The following PRRG1 variants were observed in gnomAD, a reference collection of about 807,000 sequenced individuals.
PRRG1 encodes the protein proline rich and Gla domain 1.
Under a neutral mutation model 11.8 loss-of-function variants are expected in PRRG1, and 5 were observed. That is an observed-to-expected ratio of 0.42 (90% CI 0.22 to 0.89). PRRG1 has a LOEUF of 0.89. Ranked by LOEUF, PRRG1 falls within the 40% of genes least tolerant of loss-of-function variation. The pLI, the probability that PRRG1 is intolerant of heterozygous loss-of-function variation, is 0.28. For missense variants in PRRG1, 155 were observed against 166.1 expected (o/e 0.93, Z 0.37); for synonymous variants, 66 against 60.4 (o/e 1.09, Z -0.43).
chrX:37,437,936 A>AT lies in PRRG1; in HGVS notation c.171+11946dup, dbSNP rs72218316. On this transcript the variant is annotated intron_variant, in intron 3 of 3. Coordinates refer to ENST00000378628, the MANE Select transcript of PRRG1 (RefSeq NM_001142395.2). ...ATATTGATAGCCAGCAGAAAATACCATTTTTTTTTTCTTTTTTGTTGGTTT... is the reference window on the plus strand; with the variant it reads ...ATATTGATAGCCAGCAGAAAATACCATTTTTTTTTTTCTTTTTTGTTGGTTT... 4.1e-4 allele frequency among the ~76,000 whole-genome samples: 44 copies of AT among 107,191 alleles called. No individual in the cohort carries two copies. In the South Asian group the frequency reaches 0.013, roughly 33 times the overall value. 93.1% of individuals were successfully genotyped at this position (107,191 alleles called of 115,157 possible). A position where few individuals can be genotyped will look rare whatever the true frequency, so the allele number is the denominator to read the frequency against.
At chrX:37,440,908 G>GT (rs1932963891) in intron 3 of PRRG1, 3 of 510,002 alleles carry the variant, frequency 5.9e-6, no homozygotes, top group Non-Finnish European at 1.0e-5. Flanking sequence ...GGAACCACAG[G>GT]TGCATGCCAC....
intron 1 of PRRG1, among the ~76,000 whole-genome samples, chrX:37,368,274 T>G (rs1930643835): frequency 8.9e-6 from 1 of 112,511 alleles, no homozygotes; most frequent in African/African-American, 3.2e-5. Flanking sequence ...AACAAGATTG[T>G]TAAAATCTCT....
intron 3 of PRRG1, among the ~76,000 whole-genome samples, chrX:37,427,848 C>T (rs1932790243): frequency 9.0e-6 from 1 of 111,611 alleles, no homozygotes; most frequent in African/African-American, 3.3e-5. Context: ...TGTTTTCATG[C>T]TGCTGATAAA....
chrX:37,451,529 C>T (rs782362524), intron 3 of PRRG1, among the ~76,000 whole-genome samples: 8 of 111,935 alleles, frequency 7.1e-5, no homozygotes, highest in African/African-American at 9.7e-5. Flanking sequence ...TTCAGCTTTT[C>T]GATATTATCC....
intron 1 of PRRG1, among the ~76,000 whole-genome samples, chrX:37,379,950 G>A (rs1034793119): frequency 1.8e-4 from 20 of 111,457 alleles, no homozygotes; most frequent in African/African-American, 4.9e-4. Flanking sequence ...GGGAGCAAAC[G>A]AAAATGAGTA....
intron 2 of PRRG1, among the ~76,000 whole-genome samples, chrX:37,424,788 C>T (rs918860856): frequency 9.0e-5 from 10 of 111,261 alleles, no homozygotes; most frequent in Non-Finnish European, 1.9e-4. Context: ...GTAAAATACT[C>T]ATTTCTATAA....
intron 1 of PRRG1, among the ~76,000 whole-genome samples, chrX:37,376,549 G>GTATATATATATATATATATATATA (rs1491489103): frequency 0.052 from 830 of 15,881 alleles, 119 homozygotes; most frequent in Non-Finnish European, 0.086. Context: ...AGAAATGTGA[G>GTATATATATATATATATATATATA]TGTATATATA....
chrX:37,422,648 A>G (rs1932695089), intron 2 of PRRG1, among the ~76,000 whole-genome samples: 1 of 112,030 alleles, frequency 8.9e-6, no homozygotes, highest in Non-Finnish European at 1.9e-5. Context: ...GTCAAATATC[A>G]CAAATGCATG....
chrX:37,416,618 T>G (rs1932505432), intron 2 of PRRG1, among the ~76,000 whole-genome samples: 1 of 112,158 alleles, frequency 8.9e-6, no homozygotes, highest in Non-Finnish European at 1.9e-5. Context: ...CCTGTTTTGG[T>G]GATTCCATCT....
intron 1 of PRRG1, among the ~76,000 whole-genome samples, chrX:37,394,421 T>C (rs1358278018): frequency 9.0e-6 from 1 of 110,998 alleles, no homozygotes; most frequent in African/African-American, 3.3e-5. Flanking sequence ...GGCCTTGGGG[T>C]CTGGGGAAGA....
At chrX:37,451,920 G>A (rs782653692) in intron 3 of PRRG1, among the ~76,000 whole-genome samples, 53 of 111,895 alleles carry the variant, frequency 4.7e-4, no homozygotes, top group South Asian at 1.1e-3. Flanking sequence ...AGAATTCCAG[G>A]TGTAATCCAA....
intron 1 of PRRG1, among the ~76,000 whole-genome samples, chrX:37,395,614 CAAAA>C (rs150257827): frequency 1.6e-5 from 1 of 62,414 alleles, no homozygotes. Flanking sequence ...GACTCCATCT[CAAAA>C]AAAAAAAAAA....
chrX:37,403,722 A>T (rs1276870275), intron 1 of PRRG1: 1 of 749,463 alleles, frequency 1.3e-6, no homozygotes, highest in Admixed American at 8.9e-5. Context: ...GGGACCAGAG[A>T]CTAGAACAGC....
intron 2 of PRRG1, among the ~76,000 whole-genome samples, chrX:37,414,539 GGCCCCTGAGGGGCCACC>G (rs1458135643): frequency 8.9e-6 from 1 of 112,410 alleles, no homozygotes; most frequent in Non-Finnish European, 1.9e-5. Context: ...CTTCTAAAGG[GGCCCCTGAGGGGCCACC>G]ATGAGGGAAG....
chrX:37,396,958 C>T (rs1281128818), intron 1 of PRRG1, among the ~76,000 whole-genome samples: 3 of 111,976 alleles, frequency 2.7e-5, no homozygotes, highest in Admixed American at 1.9e-4. Context: ...CTAGACATTG[C>T]CAAATGCCCC....
intron 1 of PRRG1, among the ~76,000 whole-genome samples, chrX:37,356,870 G>A (rs1930251524): frequency 9.0e-6 from 1 of 111,120 alleles, no homozygotes; most frequent in Non-Finnish European, 1.9e-5. Flanking sequence ...TACCACAGTG[G>A]TACATTTGTT....
chrX:37,399,504 C>A (rs1556379531), intron 1 of PRRG1, among the ~76,000 whole-genome samples: 1 of 110,826 alleles, frequency 9.0e-6, no homozygotes, highest in Admixed American at 9.6e-5. Flanking sequence ...AAAGGAACAA[C>A]CAGTACCAGC....
Position 37,428,189 on chromosome X carries a change from G to C in PRRG1, c.171+2189G>C, listed in dbSNP as rs782815960. On this transcript the variant is annotated intron_variant, in intron 3 of 3. Coordinates refer to ENST00000378628, the MANE Select transcript of PRRG1 (RefSeq NM_001142395.2). ...AGCCAAACCATATCATTCTGCCCCG[G>C]CCCCTCCAAATCTCATGTCCTCATA... 2.0e-4 allele frequency among the ~76,000 whole-genome samples: 22 copies of C among 110,412 alleles called. No homozygotes were observed. In the East Asian group the frequency reaches 6.3e-3, roughly 31 times the overall value.
At chrX:37,445,245 A>T (rs1933053154) in intron 3 of PRRG1, among the ~76,000 whole-genome samples, 1 of 112,129 alleles carries the variant, frequency 8.9e-6, no homozygotes, top group Non-Finnish European at 1.9e-5. Flanking sequence ...TCAAATACAT[A>T]AGCTTCTGAG....
Sources: allele counts gnomAD v4.1 joint callset (sites outside exome capture counted in the v4.1 genomes callset), GRCh38; gene constraint gnomAD v4.1.1; transcripts MANE v1.5; gene names NCBI Gene and HGNC (gene_info 2026-07-23, HGNC 2026-07-21).